The following OPRM1 variants were observed in gnomAD, a reference collection of about 807,000 sequenced individuals.
OPRM1 encodes opioid receptor mu 1, also known as mu-type opioid receptor.
A neutral mutation model predicts 31.8 loss-of-function variants in OPRM1; 27 were observed. The ratio of observed to expected loss-of-function variants is 0.85; its 90% CI spans 0.63 to 1.17. The LOEUF (loss-of-function observed/expected upper bound fraction) is 1.17. OPRM1 is among the 50% of genes most tolerant of loss of function. The pLI, the probability that OPRM1 is intolerant of heterozygous loss-of-function variation, is 0.00. For missense variants in OPRM1, 536 were observed against 511.1 expected (o/e 1.05, Z -0.47); for synonymous variants, 196 against 189.9 (o/e 1.03, Z -0.26).
In OPRM1 at chr6:154,121,222, C is replaced by A. The variant is rs1282412394; in HGVS notation, c.*2501C>A. Among the ~76,000 whole-genome samples, 1 of 152,170 alleles carries A rather than the reference C, an allele frequency of 6.6e-6. No homozygotes were observed. Among genetic ancestry groups the A allele is most frequent in the Non-Finnish European group, 1.5e-5 (1 of 68,002 alleles). ...GCAGACTGTAGCTATGGGGCGGAAG[C>A]TTTGTTTCTTTACCTGATCACTTGC... On this transcript the variant is annotated 3_prime_UTR_variant, in exon 4 of 4. Transcript: ENST00000330432.
intron 3 of OPRM1, among the ~76,000 whole-genome samples, chr6:154,112,385 A>C (rs17174871): frequency 8.9e-4 from 136 of 152,384 alleles, no homozygotes; most frequent in African/African-American, 3.1e-3. Context: ...AAGTATCAGC[A>C]TGCTAATGCC....
intron 1 of OPRM1, among the ~76,000 whole-genome samples, chr6:154,055,913 C>G (rs1220873318): frequency 6.6e-6 from 1 of 152,130 alleles, no homozygotes; most frequent in Non-Finnish European, 1.5e-5. Flanking sequence ...CTGCATGTGA[C>G]AAAACTCCTT....
At chr6:154,087,623 C>T (rs1444387971) in intron 1 of OPRM1, 1 of 981,904 alleles carries the variant, frequency 1.0e-6, no homozygotes, top group East Asian at 1.1e-4. Context: ...CCATAAGTCT[C>T]AAAATAAACT....
intron 3 of OPRM1, among the ~76,000 whole-genome samples, chr6:154,228,853 C>T (rs1222952107): frequency 6.6e-6 from 1 of 152,208 alleles, no homozygotes; most frequent in African/African-American, 2.4e-5. Context: ...GTGCCACTTG[C>T]ACTCCAGCCT....
intron 3 of OPRM1, among the ~76,000 whole-genome samples, chr6:154,140,209 C>G (rs1562504895): frequency 6.6e-6 from 1 of 152,216 alleles, no homozygotes; most frequent in South Asian, 2.1e-4. Context: ...AGCTTTTATC[C>G]TCCCCAGAGG....
intron 1 of OPRM1, among the ~76,000 whole-genome samples, chr6:154,085,909 A>G (rs1246975148): frequency 1.4e-5 from 1 of 70,520 alleles, no homozygotes; most frequent in African/African-American, 1.0e-4. Flanking sequence ...TTTTTTTGAG[A>G]CAGTGTCTCT....
At chr6:154,159,842 C>G in intron 3 of OPRM1, 1 of 1,610,784 alleles carries the variant, frequency 6.2e-7, no homozygotes, top group Non-Finnish European at 8.5e-7. Context: ...ATGGAATTTT[C>G]AACAGAGGGA....
At chr6:154,061,134 C>A (rs1479781036) in intron 1 of OPRM1, among the ~76,000 whole-genome samples, 1 of 152,058 alleles carries the variant, frequency 6.6e-6, no homozygotes, top group African/African-American at 2.4e-5. Context: ...AACTTTGGGG[C>A]CCACCCTAAA....
intron 3 of OPRM1, chr6:154,199,516 T>G: frequency 2.3e-6 from 2 of 877,690 alleles, no homozygotes; most frequent in Non-Finnish European, 3.3e-6. Flanking sequence ...TGCAAACTCC[T>G]CTACAAAGCA....
chr6:154,055,047 T>C (rs1446578271), intron 1 of OPRM1, among the ~76,000 whole-genome samples: 1 of 152,152 alleles, frequency 6.6e-6, no homozygotes, highest in Non-Finnish European at 1.5e-5. Context: ...TAGGTCCAAA[T>C]AGATAAGATT....
intron 3 of OPRM1, among the ~76,000 whole-genome samples, chr6:154,117,645 T>C (rs1279502458): frequency 1.3e-5 from 2 of 152,140 alleles, no homozygotes; most frequent in Admixed American, 1.3e-4. Context: ...GCCTGTGCTT[T>C]CTTAATTGCC....
intron 3 of OPRM1, chr6:154,091,678 G>T (rs1450041015): frequency 3.7e-6 from 5 of 1,335,716 alleles, no homozygotes; most frequent in African/African-American, 1.5e-5. Flanking sequence ...TAGGTATAAA[G>T]ATACACCAAT....
chr6:154,029,111 T>G (rs955386140), intron 1 of OPRM1, among the ~76,000 whole-genome samples: 26 of 152,220 alleles, frequency 1.7e-4, no homozygotes, highest in African/African-American at 6.0e-4. Flanking sequence ...TGTAGGGGTC[T>G]CTATGTCTCT....
At chr6:154,189,029 A>G (rs1406247495) in intron 3 of OPRM1, among the ~76,000 whole-genome samples, 1 of 152,230 alleles carries the variant, frequency 6.6e-6, no homozygotes, top group African/African-American at 2.4e-5. Flanking sequence ...TTTACAAGAA[A>G]AGTGAAGTAA....
intron 3 of OPRM1, among the ~76,000 whole-genome samples, chr6:154,232,977 T>C (rs1394431318): frequency 6.6e-6 from 1 of 151,180 alleles, no homozygotes; most frequent in Non-Finnish European, 1.5e-5. Context: ...TTCTTTTTTT[T>C]TTTTTTTTGA....
At chr6:154,135,747 C>A (rs937656100), downstream of OPRM1, among the ~76,000 whole-genome samples, 1 of 152,136 alleles carries the variant, frequency 6.6e-6, no homozygotes, top group African/African-American at 2.4e-5. Flanking sequence ...CCAAGTCTCC[C>A]GAGGAATGAA....
intron 3 of OPRM1, among the ~76,000 whole-genome samples, chr6:154,184,800 T>C (rs1436264612): frequency 2.6e-5 from 4 of 152,220 alleles, no homozygotes; most frequent in Admixed American, 2.0e-4. Flanking sequence ...TTATCAAGTA[T>C]AGTATCTTTC....
intron 3 of OPRM1, among the ~76,000 whole-genome samples, chr6:154,143,859 G>A (rs1013811287): frequency 6.6e-6 from 1 of 151,872 alleles, no homozygotes; most frequent in Non-Finnish European, 1.5e-5. Flanking sequence ...AAACAATAGA[G>A]AAAATCACTA....
Position 154,091,389 on chromosome 6 carries a change from G to C in OPRM1, c.1081G>C (p.Glu361Gln). ...CTGTATCCCAACCTCTTCCAACATT[G>C]AGCAACAAAACTCCACTCGAATTCG... is the stretch of plus-strand genomic sequence containing the variant. ...EFCIPTSSNIEQQNSTRIRQN... is the reference protein window; with the variant it reads ...EFCIPTSSNIQQQNSTRIRQN... Residue 361 changes from glutamate to glutamine, a missense_variant, in exon 3 of 4, where the codon GAG becomes CAG. By Grantham distance (29) the Glu-to-Gln change is conservative. Transcript: ENST00000330432. 1 of 1,614,006 alleles carries C rather than the reference G, an allele frequency of 6.2e-7. No homozygotes were observed. Among genetic ancestry groups the C allele is most frequent in the East Asian group, 2.2e-5 (1 of 44,882 alleles).
Sources: gnomAD v4.1 joint callset for allele counts (sites outside exome capture counted in the v4.1 genomes callset) on GRCh38, gnomAD v4.1.1 for gene constraint, MANE v1.5 for transcripts, NCBI Gene and HGNC (gene_info 2026-07-23, HGNC 2026-07-21) for gene names.